The following IWS1 variants were observed in gnomAD, a reference collection of about 807,000 sequenced individuals.
IWS1 encodes the protein interacts with SUPT6H, CTD assembly factor 1.
Under a neutral mutation model 86.7 loss-of-function variants are expected in IWS1, and 27 were observed. That is an observed-to-expected ratio of 0.31 (90% CI 0.23 to 0.43). The LOEUF (loss-of-function observed/expected upper bound fraction) is 0.43, where lower values mean the gene tolerates loss of function less well. Among genes scored for constraint, IWS1 ranks in the 20% least tolerant of loss-of-function variants. The pLI is 1.00. For synonymous variants in IWS1, 313 were observed against 335.1 expected (o/e 0.93, Z 0.72); for missense variants, 827 against 1,000.8 (o/e 0.83, Z 2.34).
chr2:127,498,208 T>G lies in IWS1; in HGVS notation c.1497A>C (p.Glu499Asp). 2 of 1,596,656 alleles carry G rather than the reference T, an allele frequency of 1.3e-6. No homozygotes were observed. The highest frequency in any genetic ancestry group is 1.1e-5 in the South Asian group (1 of 90,644). The change falls in exon 6 of 14, where the codon GAA becomes GAC. Residue 499 changes from glutamate (E) to aspartate (D), a missense_variant. Transcript: ENST00000295321. ...CTTCTTTTACCTGTGTTTCACCTTT[T>G]TCTTCTTCCAGATCTTCTTGGTTAA... The part of the protein sequence containing the change: ...TGFNQEDLEE[E>D]KGETQVKEAE...
At chr2:127,491,568 C>T (rs112052520) in intron 10 of IWS1, among the ~76,000 whole-genome samples, 135 of 152,252 alleles carry the variant, frequency 8.9e-4, no homozygotes, top group African/African-American at 3.1e-3. Context: ...CTCAGCCTCC[C>T]GAGTAGCTGG....
At chr2:127,496,550 T>TACAC (rs36048775) in intron 6 of IWS1, among the ~76,000 whole-genome samples, 15,249 of 140,260 alleles carry the variant, frequency 0.11, 1,209 homozygotes, top group African/African-American at 0.22. Context: ...TATTTTATCA[T>TACAC]ACACACACAC....
chr2:127,504,537 G>T, intron 3 of IWS1, 147 bp downstream of exon 3: 1 of 648,388 alleles, frequency 1.5e-6, no homozygotes, highest in Non-Finnish European at 2.7e-6. Flanking sequence ...TGATAACCAG[G>T]GGAAATGAGT....
At chr2:127,483,613 T>C (rs1399693589) in intron 13 of IWS1, among the ~76,000 whole-genome samples, 1 of 4,884 alleles carries the variant, frequency 2.0e-4, no homozygotes, top group African/African-American at 2.6e-4. Context: ...GCTGTGTGTG[T>C]GTGTGTGTGT....
Position 127,488,348 on chromosome 2 carries a change from T to C in IWS1, c.2216+831A>G, listed in dbSNP as rs554157531. 1.3e-3 allele frequency among the ~76,000 whole-genome samples: 193 copies of C among 152,332 alleles called. 2 individuals carry two copies. The highest frequency in any genetic ancestry group is 3.8e-3 in the African/African-American group (158 of 41,568). ...GGGCTATCTCATTAGGCATGTCACA[T>C]TTAATATGCTCAAAAGAGAACTTGC... On this transcript the variant is annotated intron_variant, in intron 12 of 13. Coordinates refer to ENST00000295321, the MANE Select transcript of IWS1 (RefSeq NM_017969.3).
At chr2:127,508,352 C>CA (rs34354936) in intron 2 of IWS1, among the ~76,000 whole-genome samples, 2 of 151,450 alleles carry the variant, frequency 1.3e-5, no homozygotes, top group South Asian at 2.1e-4. Context: ...AACTGAGCTG[C>CA]AAAAAAAAGG....
intron 9 of IWS1, 61 bp downstream of exon 9, chr2:127,493,220 T>A (rs1403492758): frequency 3.7e-5 from 55 of 1,486,220 alleles, no homozygotes; most frequent in Non-Finnish European, 4.8e-5. Context: ...CTACACAGGT[T>A]ATGACCATAC....
intron 9 of IWS1, 168 bp downstream of exon 9, chr2:127,493,113 G>T: frequency 1.9e-6 from 1 of 520,020 alleles, no homozygotes; most frequent in South Asian, 4.0e-5. Flanking sequence ...GTTTTATAAG[G>T]TCTTCCCTTT....
chr2:127,493,836 C>CAA (rs35810945), intron 8 of IWS1, among the ~76,000 whole-genome samples: 10 of 93,022 alleles, frequency 1.1e-4, no homozygotes, highest in Admixed American at 2.2e-4. Context: ...ACTGGCAGGA[C>CAA]AAAAAAAAAA....
chr2:127,512,854 G>A (rs969593766), intron 2 of IWS1, among the ~76,000 whole-genome samples: 2 of 152,200 alleles, frequency 1.3e-5, no homozygotes, highest in African/African-American at 4.8e-5. Flanking sequence ...ATTCAAAAAT[G>A]TTTATTGAAA....
chr2:127,482,320 A>C (rs984755720), intron 13 of IWS1: 22 of 152,234 alleles, frequency 1.4e-4, no homozygotes, highest in African/African-American at 5.3e-4. Context: ...AGGAACTCTA[A>C]GTCATTCTTG....
In IWS1 at chr2:127,481,554, A is replaced by G. The variant is rs116235033; in HGVS notation, c.2329-379T>C. 8.5e-3 allele frequency among the ~76,000 whole-genome samples: 1,287 copies of G among 152,238 alleles called. 21 individuals carry two copies. Among genetic ancestry groups the G allele is most frequent in the African/African-American group, 0.03 (1,229 of 41,532 alleles). ...ATGTGGAGCTAGCCGCTTGACATGC[A>G]CTTTCAAACAGTGCTGGCATAAAAA... On this transcript the variant is annotated intron_variant, in intron 13 of 13. Transcript: ENST00000295321.
intron 6 of IWS1, 80 bp from the exon 7 acceptor site, chr2:127,496,228 A>G (rs1690504651): frequency 2.8e-6 from 4 of 1,412,584 alleles, no homozygotes; most frequent in Admixed American, 4.4e-5. Context: ...TAAGAACACC[A>G]AATTTCTTAA....
chr2:127,494,497 C>T (rs1489773319), intron 8 of IWS1: 1 of 155,074 alleles, frequency 6.4e-6, no homozygotes, highest in African/African-American at 2.4e-5. Context: ...TGCAGTGGCT[C>T]ATGTCTGTAA....
chr2:127,502,736 C>A (rs963263876), intron 5 of IWS1, 79 bp downstream of exon 5: 3 of 688,410 alleles, frequency 4.4e-6, no homozygotes, highest in Non-Finnish European at 7.8e-6. Flanking sequence ...TTATTAGAAT[C>A]ATCTATAATG....
intron 7 of IWS1, among the ~76,000 whole-genome samples, chr2:127,495,681 G>C (rs1690476073): frequency 6.6e-6 from 1 of 152,158 alleles, no homozygotes; most frequent in South Asian, 2.1e-4. Context: ...ACATGAATTT[G>C]TAACACCTTT....
chr2:127,505,815 A>C lies in IWS1; in HGVS notation c.151-63T>G. On this transcript the variant is annotated intron_variant, in intron 2 of 13. Transcript: ENST00000295321. This position sits in a 1 kb window ranked among gnomAD's most constrained non-coding sequence, Gnocchi z 5.0. Reference sequence around the variant, plus strand: ...AAAAAAAAAAACCATTAATAATAAAACATTAAATTTTTTCTGTGATTTTTT... The same window carrying C: ...AAAAAAAAAAACCATTAATAATAAACCATTAAATTTTTTCTGTGATTTTTT... 2.7e-6 allele frequency: 3 copies of C among 1,113,114 alleles called. No individual in the cohort carries two copies. The highest frequency in any genetic ancestry group is 3.8e-6 in the Non-Finnish European group (3 of 793,398). The allele number at this position is 1,113,114 out of a possible 1,614,324, so 69.0% of individuals were successfully genotyped here.
chr2:127,502,175 CA>C (rs1321902190), intron 5 of IWS1, among the ~76,000 whole-genome samples: 1 of 152,160 alleles, frequency 6.6e-6, no homozygotes, highest in Non-Finnish European at 1.5e-5. Flanking sequence ...AAAATCTGAG[CA>C]AAGGCTATTT....
At chr2:127,483,571 C>CGGGG (rs1419283644) in intron 13 of IWS1, among the ~76,000 whole-genome samples, 393 of 20,082 alleles carry the variant, frequency 0.02, 39 homozygotes, top group African/African-American at 0.046. Flanking sequence ...ATAATTTGGT[C>CGGGG]GGGGCGGGGG....
Sources: gnomAD v4.1 joint callset for allele counts (sites outside exome capture counted in the v4.1 genomes callset) on GRCh38, gnomAD v4.1.1 for gene constraint, Gnocchi (gnomAD v3.1) non-coding constraint, MANE v1.5 for transcripts, NCBI Gene and HGNC (gene_info 2026-07-23, HGNC 2026-07-21) for gene names.